EXOC5: variants seen among roughly 807,000 people sequenced by gnomAD.
The protein encoded by EXOC5 is exocyst complex component 5.
A neutral mutation model predicts 90.8 loss-of-function variants in EXOC5; 17 were observed. That is an observed-to-expected ratio of 0.19 (90% confidence interval 0.13 to 0.28). The LOEUF is 0.28. EXOC5 is among the 10% of genes least tolerant of loss of function. The pLI is 1.00. For synonymous variants in EXOC5, 260 were observed against 270.0 expected, an observed-to-expected ratio of 0.96 and a Z score of 0.36; for missense variants, 569 against 830.6, an observed-to-expected ratio of 0.69 and a Z score of 3.87.
rs1882659037 is a variant in EXOC5, at chr14:57,206,502, A to T, written c.*2107T>A. 6.6e-6 allele frequency: 1 copy of T among 152,042 alleles called. No homozygotes were observed. Among genetic ancestry groups the T allele is most frequent in the African/African-American group, 2.4e-5 (1 of 41,442 alleles). 9.4% of individuals were successfully genotyped at this position (152,042 alleles called of 1,614,324 possible). A position where few individuals can be genotyped will look rare whatever the true frequency, so the allele number is the denominator to read the frequency against. On this transcript the variant is annotated 3_prime_UTR_variant, in exon 18 of 18. Coordinates refer to ENST00000621441, the MANE Select transcript of EXOC5 (RefSeq NM_006544.4). ...GAAGACCTGTGCTGTGAAAAATTTT[A>T]AAAATCTCAAATTTTTAAATAAAAA...
In EXOC5 at chr14:57,230,156, G is replaced by C. The variant is rs112992328; in HGVS notation, c.1149-275C>G. On this transcript the variant is annotated intron_variant, in intron 11 of 17. Transcript: ENST00000621441. Reference sequence around the variant, plus strand: ...TCTGACTCAATAGTAAAACTTGCTGGGTTTCCTTAGAAAGTGAGCTATTCC... The same window carrying C: ...TCTGACTCAATAGTAAAACTTGCTGCGTTTCCTTAGAAAGTGAGCTATTCC... Among the ~76,000 whole-genome samples, 371 of 152,048 alleles carry C rather than the reference G, an allele frequency of 2.4e-3. 2 individuals are homozygous for C. Among genetic ancestry groups the C allele is most frequent in the African/African-American group, 8.5e-3 (353 of 41,476 alleles).
chr14:57,217,878 GAATT>G, intron 15 of EXOC5, 100 bp downstream of exon 15: 1 of 676,186 alleles, frequency 1.5e-6, no homozygotes, highest in Non-Finnish European at 2.7e-6. Flanking sequence ...CAATATGGTG[GAATT>G]AAGATAAATA....
At chr14:57,263,851 C>T (rs888406123) in intron 1 of EXOC5, among the ~76,000 whole-genome samples, 3 of 151,882 alleles carry the variant, frequency 2.0e-5, no homozygotes, top group Non-Finnish European at 4.4e-5. Context: ...CATACACATC[C>T]TAACTCTTCT....
At chr14:57,219,050 T>C (rs921915916) in intron 14 of EXOC5, among the ~76,000 whole-genome samples, 1 of 152,072 alleles carries the variant, frequency 6.6e-6, no homozygotes, top group Non-Finnish European at 1.5e-5. Context: ...CTCTTTCACA[T>C]GAGATTTCAG....
chr14:57,248,879 G>C (rs908404576), intron 1 of EXOC5, among the ~76,000 whole-genome samples: 2 of 152,098 alleles, frequency 1.3e-5, no homozygotes, highest in African/African-American at 4.8e-5. Context: ...AACATATTTA[G>C]ATAATCAGCC....
chr14:57,213,575 T>C (rs1340129612), intron 15 of EXOC5, among the ~76,000 whole-genome samples: 2 of 150,994 alleles, frequency 1.3e-5, no homozygotes, highest in African/African-American at 4.9e-5. Flanking sequence ...GCCCGACCAA[T>C]TTTTGTATTT....
intron 1 of EXOC5, among the ~76,000 whole-genome samples, chr14:57,266,269 G>A (rs893445016): frequency 6.6e-6 from 1 of 152,124 alleles, no homozygotes; most frequent in Non-Finnish European, 1.5e-5. Context: ...GATACTTCCC[G>A]TGACTCTTAC....
rs369876912 is a variant in EXOC5, at chr14:57,246,705, G to A, written c.270+6C>T. On this transcript the variant is annotated splice_donor_region_variant and intron_variant, in intron 3 of 17. Transcript: ENST00000621441. Reference sequence around the variant, plus strand: ...TAAAATACCCATTTCTTAACAAAACGTTTACCTGATTGCTTTTCTGCAGCT... The same window carrying A: ...TAAAATACCCATTTCTTAACAAAACATTTACCTGATTGCTTTTCTGCAGCT... 1.4e-5 allele frequency: 22 copies of A among 1,607,958 alleles called. No homozygotes were observed. The highest frequency in any genetic ancestry group is 5.5e-5 in the South Asian group (5 of 90,338).
intron 1 of EXOC5, among the ~76,000 whole-genome samples, chr14:57,255,504 T>C (rs537219599): frequency 1.3e-5 from 2 of 151,738 alleles, no homozygotes; most frequent in South Asian, 2.1e-4. Context: ...CAACCAGAGG[T>C]AGGCAGACTA....
chr14:57,244,083 T>C (rs1322910079), intron 4 of EXOC5, 82 bp downstream of exon 4: 1 of 904,740 alleles, frequency 1.1e-6, no homozygotes, highest in Admixed American at 2.4e-5. Flanking sequence ...GAAGTCTAAC[T>C]CTGGAAAGCA....
intron 1 of EXOC5, among the ~76,000 whole-genome samples, chr14:57,256,244 T>C (rs557535035): frequency 4.6e-5 from 7 of 152,268 alleles, no homozygotes; most frequent in Admixed American, 1.3e-4. Flanking sequence ...AGCAGTATGT[T>C]TGGCACACAG....
Position 57,202,198 on chromosome 14 carries a change from A to G in EXOC5, c.*6411T>C, listed in dbSNP as rs1490538149. ...ACAAAGTAACTACCCTATAATCTATAAAAATGTCCAGAGTCAAAAAAGTCA... is the reference window on the plus strand; with the variant it reads ...ACAAAGTAACTACCCTATAATCTATGAAAATGTCCAGAGTCAAAAAAGTCA... On this transcript the variant is annotated 3_prime_UTR_variant, in exon 18 of 18. Coordinates refer to ENST00000621441, the MANE Select transcript of EXOC5 (RefSeq NM_006544.4). 1 of 152,158 alleles carries G rather than the reference A, an allele frequency of 6.6e-6. No homozygotes were observed. Among genetic ancestry groups the G allele is most frequent in the African/African-American group, 2.4e-5 (1 of 41,456 alleles). The allele number at this position is 152,158 out of a possible 1,614,324, so 9.4% of individuals were successfully genotyped here.
chr14:57,201,038 TGA>T lies in EXOC5; in HGVS notation c.*7569_*7570del, dbSNP rs1483011266. 2 of 152,012 alleles carry T rather than the reference TGA, an allele frequency of 1.3e-5. No homozygotes were observed. Among genetic ancestry groups the T allele is most frequent in the Non-Finnish European group, 2.9e-5 (2 of 68,028 alleles). 9.4% of individuals were successfully genotyped at this position (152,012 alleles called of 1,614,324 possible). On this transcript the variant is annotated 3_prime_UTR_variant, in exon 18 of 18. Coordinates refer to ENST00000621441, the MANE Select transcript of EXOC5 (RefSeq NM_006544.4). Reference sequence around the variant, plus strand: ...TGTGGGTGTATATTTAAAATATGCGTGAGTGTGTGTGTGTGTATGCACACATA... The same window carrying T: ...TGTGGGTGTATATTTAAAATATGCGTGTGTGTGTGTGTGTATGCACACATA...
intron 1 of EXOC5, among the ~76,000 whole-genome samples, chr14:57,267,708 T>A (rs770360351): frequency 3.9e-5 from 6 of 152,202 alleles, no homozygotes; most frequent in Non-Finnish European, 8.8e-5. Flanking sequence ...TATTCTATTA[T>A]CTCAAACTTT....
At chr14:57,214,106 A>T (rs1229364553) in intron 15 of EXOC5, among the ~76,000 whole-genome samples, 1 of 152,164 alleles carries the variant, frequency 6.6e-6, no homozygotes, top group Non-Finnish European at 1.5e-5. Context: ...GAGAAAAAAA[A>T]GCACACACAC....
At position 57,200,669 on chromosome 14, in the gene EXOC5, TTTAA is replaced by T. The variant is rs2139595115; in HGVS notation, c.*7936_*7939del. ...AAAAACATACGGTATGCATTTCAAA[TTTAA>T]TTCTTTCAAAATGTAAGTTCTGTGT... On this transcript the variant is annotated 3_prime_UTR_variant, in exon 18 of 18. Coordinates refer to ENST00000621441, the MANE Select transcript of EXOC5 (RefSeq NM_006544.4). 6.6e-6 allele frequency: 1 copy of T among 151,830 alleles called. No individual in the cohort carries two copies. Among genetic ancestry groups the T allele is most frequent in the South Asian group, 2.1e-4 (1 of 4,804 alleles). The allele number at this position is 151,830 out of a possible 1,614,324, so 9.4% of individuals were successfully genotyped here. A position where few individuals can be genotyped will look rare whatever the true frequency, so the allele number is the denominator to read the frequency against.
chr14:57,209,642 A>G lies in EXOC5; in HGVS notation c.1863T>C (p.Tyr621=). ...HRLIYEHLQQ[Y]SYSCMGGMLA... ...ACATGCCACCCATACAACTGTAGGA[A>G]TATTGTTGAAGATGCTCATAGATAA... is the stretch of plus-strand genomic sequence containing the variant. Residue 621 remains tyrosine (Y), a synonymous_variant, in exon 17 of 18, where the codon TAT becomes TAC. Coordinates refer to ENST00000621441, the MANE Select transcript of EXOC5 (RefSeq NM_006544.4). The G allele has an allele frequency of 6.2e-7, 1 of 1,613,336 alleles. No individual in the cohort carries two copies. The highest frequency in any genetic ancestry group is 8.5e-7 in the Non-Finnish European group (1 of 1,179,454).
intron 5 of EXOC5, among the ~76,000 whole-genome samples, chr14:57,238,844 T>C (rs1883762845): frequency 6.6e-6 from 1 of 152,110 alleles, no homozygotes; most frequent in South Asian, 2.1e-4. Context: ...ATATTATATG[T>C]CTATTACTAT....
intron 15 of EXOC5, among the ~76,000 whole-genome samples, chr14:57,213,093 C>T (rs933382643): frequency 5.3e-5 from 8 of 151,062 alleles, no homozygotes; most frequent in African/African-American, 1.7e-4. Flanking sequence ...CTTTGATAAA[C>T]GTAAGTGCTG....
Sources: gnomAD v4.1 joint callset for allele counts (sites outside exome capture counted in the v4.1 genomes callset) on GRCh38, gnomAD v4.1.1 for gene constraint, MANE v1.5 for transcripts, NCBI Gene and HGNC (gene_info 2026-07-23, HGNC 2026-07-21) for gene names.